Variants in ACBD5 observed in about 807,000 individuals in gnomAD.
ACBD5 encodes acyl-CoA binding domain containing 5.
A neutral mutation model predicts 71.8 loss-of-function variants in ACBD5; 40 were observed. That is an observed-to-expected ratio of 0.56 (90% CI 0.43 to 0.72). The LOEUF (loss-of-function observed/expected upper bound fraction) is 0.72, where lower values mean the gene tolerates loss of function less well. ACBD5 is among the 30% of genes least tolerant of loss of function. The probability of loss-of-function intolerance (pLI) is 0.00; values close to 1 mark genes in which losing one functional copy is unlikely to be tolerated. For synonymous variants in ACBD5, 229 were observed against 218.6 expected, an observed-to-expected ratio of 1.05 and a Z score of -0.42; for missense variants, 559 against 644.5, an observed-to-expected ratio of 0.87 and a Z score of 1.44.
intron 4 of ACBD5, among the ~76,000 whole-genome samples, chr10:27,226,310 T>C (rs2063004642): frequency 6.6e-6 from 1 of 152,092 alleles, no homozygotes; most frequent in Admixed American, 6.6e-5. Context: ...TCCACCCTTT[T>C]GAAGAGGTTA....
chr10:27,211,150 CA>C (rs950724182), intron 8 of ACBD5, 69 bp from the exon 9 acceptor site: 13 of 1,461,508 alleles, frequency 8.9e-6, no homozygotes, highest in Non-Finnish European at 1.0e-5. Context: ...GTTTTTACAG[CA>C]ATAGGAGAAA....
At position 27,240,211 on chromosome 10, in the gene ACBD5, T is replaced by A; in HGVS notation, c.181+108A>T. 3 of 1,569,906 alleles carry A rather than the reference T, an allele frequency of 1.9e-6. No individual in the cohort carries two copies. The East Asian group carries it at 6.7e-5, about 35-fold the overall frequency. Reference sequence around the variant, plus strand: ...AATAGCTCCCCTTCCACTACATGGCTCCTACACAGAAAAAAAGGCTAAATA... The same window carrying A: ...AATAGCTCCCCTTCCACTACATGGCACCTACACAGAAAAAAAGGCTAAATA... On this transcript the variant is annotated intron_variant, in intron 2 of 12. Coordinates refer to ENST00000396271, the MANE Select transcript of ACBD5 (RefSeq NM_145698.5). The surrounding 1 kb of genome is among the most constrained non-coding windows in gnomAD (Gnocchi z 4.1).
chr10:27,213,627 C>T (rs779113025), intron 8 of ACBD5, among the ~76,000 whole-genome samples: 1 of 151,970 alleles, frequency 6.6e-6, no homozygotes, highest in Admixed American at 6.6e-5. Context: ...CATGGTGGCG[C>T]ATGTCTGTAA....
chr10:27,227,009 A>ATGTTTTTTT (rs2063141811), intron 4 of ACBD5, among the ~76,000 whole-genome samples: 2 of 78,392 alleles, frequency 2.6e-5, no homozygotes, highest in Non-Finnish European at 4.5e-5. Context: ...TTTTTTTGCG[A>ATGTTTTTTT]TTTTTTTTTT....
chr10:27,208,125 G>T, intron 10 of ACBD5, 121 bp downstream of exon 10: 1 of 1,047,304 alleles, frequency 9.5e-7, no homozygotes, highest in Non-Finnish European at 1.5e-6. Context: ...TCAAAACCAA[G>T]TTCTATTTTC....
downstream of ACBD5, among the ~76,000 whole-genome samples, chr10:27,194,292 A>G (rs1049701673): frequency 4.7e-5 from 7 of 149,850 alleles, no homozygotes; most frequent in Non-Finnish European, 8.9e-5. Flanking sequence ...CATTTTCCAC[A>G]TAAGACCAGA....
At chr10:27,194,905 A>T (rs1384795526), downstream of ACBD5, among the ~76,000 whole-genome samples, 3 of 152,106 alleles carry the variant, frequency 2.0e-5, no homozygotes, top group Non-Finnish European at 4.4e-5. Flanking sequence ...CTGAGGCAGG[A>T]GAATCGCTTG....
chr10:27,224,426 C>T (rs6482609), intron 4 of ACBD5, among the ~76,000 whole-genome samples: 10,458 of 151,938 alleles, frequency 0.069, 686 homozygotes, highest in African/African-American at 0.17. Context: ...TTTCATTAAA[C>T]GAAATAGAAA....
At chr10:27,237,621 C>CT (rs60724833) in intron 2 of ACBD5, among the ~76,000 whole-genome samples, 19,646 of 133,370 alleles carry the variant, frequency 0.15, 2,486 homozygotes, top group African/African-American at 0.31. Context: ...GATAGGATAT[C>CT]TTTTTTTTTT....
chr10:27,239,468 T>C (rs189437805), intron 2 of ACBD5, among the ~76,000 whole-genome samples: 1 of 152,000 alleles, frequency 6.6e-6, no homozygotes, highest in East Asian at 1.9e-4. Context: ...GCCAGAGAAA[T>C]AGCACATTAA....
Position 27,231,747 on chromosome 10 carries a change from C to G in ACBD5, c.375+1G>C. ...TTTTAACTGTGAATTATTTTCCCTACCTTTTTCATTTCTTCAACATATGCA... is the reference window on the plus strand; with the variant it reads ...TTTTAACTGTGAATTATTTTCCCTAGCTTTTTCATTTCTTCAACATATGCA... On this transcript the variant is annotated splice_donor_variant, in intron 4 of 12. Transcript: ENST00000396271. LOFTEE classifies it high-confidence loss of function. The G allele has an allele frequency of 2.5e-6, 4 of 1,613,462 alleles. No individual in the cohort carries two copies. The highest frequency in any genetic ancestry group is 3.4e-6 in the Non-Finnish European group (4 of 1,179,750).
At chr10:27,231,433 C>T (rs1278677188) in intron 4 of ACBD5, among the ~76,000 whole-genome samples, 2 of 152,144 alleles carry the variant, frequency 1.3e-5, no homozygotes, top group African/African-American at 2.4e-5. Context: ...AGGAGAATTG[C>T]TTGAATTTGG....
intron 4 of ACBD5, among the ~76,000 whole-genome samples, chr10:27,230,587 C>CGGAATTTGAGACCAGCCT (rs1364336786): frequency 6.6e-6 from 1 of 151,830 alleles, no homozygotes; most frequent in Non-Finnish European, 1.5e-5. Context: ...ACCTGAGGTC[C>CGGAATTTGAGACCAGCCT]GGAATTTGAG....
At chr10:27,186,003 C>A (rs1478451371) in intron 13 of ACBD5, among the ~76,000 whole-genome samples, 1 of 152,120 alleles carries the variant, frequency 6.6e-6, no homozygotes, top group Admixed American at 6.6e-5. Flanking sequence ...GTAGGAGAAT[C>A]GCTTGAACCC....
intron 4 of ACBD5, among the ~76,000 whole-genome samples, chr10:27,230,854 A>G (rs1309096119): frequency 6.6e-6 from 1 of 151,564 alleles, no homozygotes; most frequent in Non-Finnish European, 1.5e-5. Context: ...TTCTTCATAT[A>G]CTTGCTCCTC....
chr10:27,235,088 T>A lies in ACBD5; in HGVS notation c.302+4A>T, dbSNP rs766584270. On this transcript the variant is annotated splice_donor_region_variant and intron_variant, in intron 3 of 12. Coordinates refer to ENST00000396271, the MANE Select transcript of ACBD5 (RefSeq NM_145698.5). ...TTCTTGCATAGCTCTACACAAAAAA[T>A]TACCATTTATATCTTCCAATAGGAT... 1 of 1,613,628 alleles carries A rather than the reference T, an allele frequency of 6.2e-7. No homozygotes were observed. The highest frequency in any genetic ancestry group is 8.5e-7 in the Non-Finnish European group (1 of 1,179,820).
At chr10:27,201,930 G>C (rs979156700) in intron 12 of ACBD5, among the ~76,000 whole-genome samples, 1 of 152,116 alleles carries the variant, frequency 6.6e-6, no homozygotes, top group African/African-American at 2.4e-5. Flanking sequence ...TGCCCAAAAA[G>C]GGATTCAGTC....
At chr10:27,187,157 G>A (rs1382434624) in intron 13 of ACBD5, among the ~76,000 whole-genome samples, 1 of 152,004 alleles carries the variant, frequency 6.6e-6, no homozygotes, top group South Asian at 2.1e-4. Context: ...CAAATTAGCC[G>A]GGCATGTTGG....
intron 4 of ACBD5, among the ~76,000 whole-genome samples, chr10:27,223,895 G>C (rs2062680656): frequency 6.6e-6 from 1 of 151,998 alleles, no homozygotes; most frequent in Non-Finnish European, 1.5e-5. Context: ...TGGTGACAGA[G>C]TGAGATGCCA....
Sources: allele counts gnomAD v4.1 joint callset (sites outside exome capture counted in the v4.1 genomes callset), GRCh38; gene constraint gnomAD v4.1.1; non-coding constraint Gnocchi (gnomAD v3.1); transcripts MANE v1.5; gene names NCBI Gene and HGNC (gene_info 2026-07-23, HGNC 2026-07-21).